Variants in GRIK2 observed in about 807,000 individuals in gnomAD.
GRIK2 encodes glutamate ionotropic receptor kainate type subunit 2, also known as glutamate receptor ionotropic, kainate 2.
In GRIK2, 32 loss-of-function variants were observed where a neutral mutation model predicts 100.3. The ratio of observed to expected loss-of-function variants is 0.32; its 90% CI spans 0.24 to 0.43. GRIK2 has a LOEUF of 0.43. Ranked by LOEUF, GRIK2 falls within the 20% of genes least tolerant of loss-of-function variation. GRIK2 has a pLI of 1.00. For synonymous variants in GRIK2, 417 were observed against 389.4 expected, an observed-to-expected ratio of 1.07 and a Z score of -0.83; for missense variants, 843 against 1,114.9, an observed-to-expected ratio of 0.76 and a Z score of 3.47.
intron 14 of GRIK2, among the ~76,000 whole-genome samples, chr6:102,016,797 G>T (rs552738463): frequency 6.6e-6 from 1 of 152,014 alleles, no homozygotes; most frequent in South Asian, 2.1e-4. Context: ...TATTTCACAA[G>T]AAGATTATAC....
chr6:101,402,783 G>T (rs1024629614), intron 2 of GRIK2, among the ~76,000 whole-genome samples: 2 of 152,170 alleles, frequency 1.3e-5, no homozygotes, highest in African/African-American at 4.8e-5. Context: ...TCTCCAGAGC[G>T]CTGGCGCGGC....
chr6:101,801,129 T>C (rs1780642677), intron 8 of GRIK2, among the ~76,000 whole-genome samples: 1 of 152,102 alleles, frequency 6.6e-6, no homozygotes, highest in Non-Finnish European at 1.5e-5. Context: ...TAAAATTACT[T>C]GTGCAATTTC....
intron 16 of GRIK2, among the ~76,000 whole-genome samples, chr6:102,059,522 T>G (rs2114517632): frequency 6.6e-6 from 1 of 151,306 alleles, no homozygotes; most frequent in East Asian, 1.9e-4. Flanking sequence ...TGGATTTGGT[T>G]GAAAGATCTT....
chr6:101,792,109 G>T (rs905466595), intron 7 of GRIK2, among the ~76,000 whole-genome samples: 3 of 151,560 alleles, frequency 2.0e-5, no homozygotes, highest in African/African-American at 7.3e-5. Context: ...GTCTCTGCAC[G>T]TGAGATGGGT....
At chr6:101,791,790 T>C (rs538607477) in intron 7 of GRIK2, among the ~76,000 whole-genome samples, 1 of 151,204 alleles carries the variant, frequency 6.6e-6, no homozygotes. Flanking sequence ...TTGATCTGTC[T>C]AATGTTGACA....
intron 14 of GRIK2, among the ~76,000 whole-genome samples, chr6:101,944,645 A>ATATC: frequency 6.6e-6 from 1 of 152,290 alleles, no homozygotes; most frequent in Non-Finnish European, 1.5e-5. Context: ...TTTTGTGCTA[A>ATATC]TATCACACTG....
At chr6:101,508,756 C>CAAACTG (rs1356103740) in intron 2 of GRIK2, among the ~76,000 whole-genome samples, 2 of 152,138 alleles carry the variant, frequency 1.3e-5, no homozygotes, top group Non-Finnish European at 2.9e-5. Flanking sequence ...AAAAGAGTGT[C>CAAACTG]ATATTTTAGA....
At chr6:101,513,087 G>T (rs1000645146) in intron 2 of GRIK2, among the ~76,000 whole-genome samples, 1 of 151,968 alleles carries the variant, frequency 6.6e-6, no homozygotes, top group Non-Finnish European at 1.5e-5. Context: ...GCAGCCTCCA[G>T]GAAGTCTTGA....
chr6:101,413,668 C>A (rs540029562), intron 2 of GRIK2, among the ~76,000 whole-genome samples: 1 of 152,086 alleles, frequency 6.6e-6, no homozygotes, highest in South Asian at 2.1e-4. Context: ...TCTATAGGTT[C>A]TGTTTCAGTA....
At chr6:101,608,811 G>A (rs199563811) in intron 2 of GRIK2, among the ~76,000 whole-genome samples, 12 of 98,126 alleles carry the variant, frequency 1.2e-4, no homozygotes, top group Non-Finnish European at 2.0e-4. Context: ...GTGTGTGTGT[G>A]TGTATGTATG....
At chr6:101,565,751 G>A (rs1777225437) in intron 2 of GRIK2, among the ~76,000 whole-genome samples, 2 of 151,602 alleles carry the variant, frequency 1.3e-5, no homozygotes, top group Admixed American at 6.6e-5. Flanking sequence ...CCCCCACACA[G>A]TTGAAAATTC....
intron 12 of GRIK2, 54 bp downstream of exon 12, chr6:101,889,917 CTAAT>C (rs1319465536): frequency 1.1e-6 from 1 of 911,662 alleles, no homozygotes; most frequent in Non-Finnish European, 1.8e-6. Context: ...CTTTATCTAA[CTAAT>C]AATTGTCAAA....
rs10528480 is a variant in GRIK2, at chr6:101,556,321, A to ATTTTTTTTTTTT, written c.116-65608_116-65597dup. On this transcript the variant is annotated intron_variant, in intron 2 of 16. Coordinates refer to ENST00000369134, the MANE Select transcript of GRIK2 (RefSeq NM_021956.5). ...AATTGCACTATGTAATATATTGGTAATTTTTTTTTTTTTTTTTTTTTTTTT... is the reference window on the plus strand; with the variant it reads ...AATTGCACTATGTAATATATTGGTAATTTTTTTTTTTTTTTTTTTTTTTTTTTTTTTTTTTTT... Among the ~76,000 whole-genome samples, 266 of 59,370 alleles carry ATTTTTTTTTTTT rather than the reference A, an allele frequency of 4.5e-3. 49 individuals are homozygous for ATTTTTTTTTTTT. Among genetic ancestry groups the ATTTTTTTTTTTT allele is most frequent in the Admixed American group, 9.3e-3 (45 of 4,846 alleles). 38.9% of individuals were successfully genotyped at this position (59,370 alleles called of 152,430 possible).
intron 12 of GRIK2, among the ~76,000 whole-genome samples, chr6:101,920,712 A>T (rs1026844529): frequency 7.7e-6 from 1 of 130,342 alleles, no homozygotes; most frequent in African/African-American, 2.9e-5. Flanking sequence ...CAAAGAAATG[A>T]ATAAGAATAA....
At chr6:101,436,634 C>G (rs1375169071) in intron 2 of GRIK2, among the ~76,000 whole-genome samples, 1 of 151,888 alleles carries the variant, frequency 6.6e-6, no homozygotes, top group African/African-American at 2.4e-5. Context: ...GAATTGGTAT[C>G]TTCAGCAAAT....
chr6:101,544,200 AT>A (rs1429756246), intron 2 of GRIK2, among the ~76,000 whole-genome samples: 1 of 151,798 alleles, frequency 6.6e-6, no homozygotes, highest in East Asian at 1.9e-4. Flanking sequence ...TTCACCTTTT[AT>A]TTTTAATAAC....
intron 2 of GRIK2, among the ~76,000 whole-genome samples, chr6:101,579,029 A>G (rs1777921702): frequency 6.6e-6 from 1 of 152,164 alleles, no homozygotes; most frequent in Admixed American, 6.6e-5. Flanking sequence ...TTAGCAAAAT[A>G]TTGTTAAATA....
chr6:102,019,436 A>G (rs954001116), intron 14 of GRIK2, among the ~76,000 whole-genome samples: 1 of 152,048 alleles, frequency 6.6e-6, no homozygotes, highest in Admixed American at 6.6e-5. Flanking sequence ...GGGAAAATTT[A>G]CTATCACAAT....
intron 2 of GRIK2, among the ~76,000 whole-genome samples, chr6:101,411,022 G>A (rs534015165): frequency 3.3e-5 from 5 of 152,094 alleles, no homozygotes; most frequent in Admixed American, 1.3e-4. Context: ...GATGCAGAGC[G>A]GATGTTGGAA....
Sources: allele counts gnomAD v4.1 joint callset (sites outside exome capture counted in the v4.1 genomes callset), GRCh38; gene constraint gnomAD v4.1.1; transcripts MANE v1.5; gene names NCBI Gene and HGNC (gene_info 2026-07-23, HGNC 2026-07-21).